The following PPFIA2 variants were observed in gnomAD, a reference collection of about 807,000 sequenced individuals.
PPFIA2 encodes the protein PPFI scaffold protein A2, also known as liprin-alpha-2.
PPFIA2 carries 46 observed loss-of-function variants against 175.5 expected under a neutral mutation model. That is an observed-to-expected ratio of 0.26 (90% confidence interval 0.21 to 0.34). PPFIA2 has a LOEUF of 0.34. Ranked by LOEUF, PPFIA2 falls within the 10% of genes least tolerant of loss-of-function variation. The pLI is 1.00. For synonymous variants in PPFIA2, 568 were observed against 511.4 expected, an observed-to-expected ratio of 1.11 and a Z score of -1.49; for missense variants, 1,179 against 1,506.1, an observed-to-expected ratio of 0.78 and a Z score of 3.60.
intron 4 of PPFIA2, among the ~76,000 whole-genome samples, chr12:81,642,748 T>TGTATATAA: frequency 1.2e-5 from 1 of 85,270 alleles, no homozygotes; most frequent in African/African-American, 4.0e-5. Context: ...TATGTATGTA[T>TGTATATAA]TATATACATA....
chr12:81,662,058 A>C (rs542383800), intron 4 of PPFIA2, among the ~76,000 whole-genome samples: 1 of 152,320 alleles, frequency 6.6e-6, no homozygotes, highest in East Asian at 1.9e-4. Flanking sequence ...CAATGTGTAG[A>C]GGGAAATTTA....
chr12:81,659,552 C>T (rs1340636962), intron 4 of PPFIA2, among the ~76,000 whole-genome samples: 3 of 152,138 alleles, frequency 2.0e-5, no homozygotes, highest in Admixed American at 1.3e-4. Flanking sequence ...AACAAAGCAG[C>T]GGGGAAGCTA....
intron 28 of PPFIA2, among the ~76,000 whole-genome samples, chr12:81,269,180 C>G (rs962291813): frequency 6.6e-6 from 1 of 151,418 alleles, no homozygotes; most frequent in Non-Finnish European, 1.5e-5. Flanking sequence ...TAAAAGTTGA[C>G]AGAATGCTAT....
chr12:81,577,342 G>C (rs2073727960), intron 4 of PPFIA2, among the ~76,000 whole-genome samples: 1 of 151,818 alleles, frequency 6.6e-6, no homozygotes, highest in Non-Finnish European at 1.5e-5. Context: ...CCTCCTGTAT[G>C]AAAGGTTCCT....
intron 4 of PPFIA2, among the ~76,000 whole-genome samples, chr12:81,461,075 A>G (rs1238961763): frequency 3.3e-5 from 5 of 152,092 alleles, no homozygotes; most frequent in East Asian, 1.9e-4. Context: ...TCAAATTTAA[A>G]CCAACTTTAA....
intron 4 of PPFIA2, among the ~76,000 whole-genome samples, chr12:81,598,762 T>C (rs1262078912): frequency 3.3e-5 from 5 of 151,818 alleles, no homozygotes; most frequent in Admixed American, 3.3e-4. Flanking sequence ...ATACTAGGAG[T>C]ACTATCAAAT....
chr12:81,312,293 G>A, intron 22 of PPFIA2: 1 of 919,034 alleles, frequency 1.1e-6, no homozygotes, highest in South Asian at 1.5e-5. Context: ...GAAAGCTCAG[G>A]TATGAGAAAG....
At chr12:81,323,466 T>G (rs1383962170) in intron 22 of PPFIA2, among the ~76,000 whole-genome samples, 1 of 152,030 alleles carries the variant, frequency 6.6e-6, no homozygotes, top group African/African-American at 2.4e-5. Context: ...TAAAATTTAC[T>G]TAAAATTATT....
intron 3 of PPFIA2, among the ~76,000 whole-genome samples, chr12:81,704,285 ATT>A: frequency 6.6e-6 from 1 of 152,290 alleles, no homozygotes; most frequent in East Asian, 1.9e-4. Context: ...ATCCAAAAAT[ATT>A]ATAGCTCAAT....
intron 4 of PPFIA2, among the ~76,000 whole-genome samples, chr12:81,655,305 G>A (rs1476639054): frequency 6.6e-6 from 1 of 151,248 alleles, no homozygotes; most frequent in Admixed American, 6.6e-5. Flanking sequence ...ATTAATTTCT[G>A]CTACTAACAC....
intron 9 of PPFIA2, among the ~76,000 whole-genome samples, chr12:81,383,386 T>G (rs2038193719): frequency 6.6e-6 from 1 of 152,166 alleles, no homozygotes; most frequent in African/African-American, 2.4e-5. Flanking sequence ...AACTTTCACC[T>G]TAGCAGGTAA....
chr12:81,473,559 A>T (rs1006535537), intron 4 of PPFIA2, among the ~76,000 whole-genome samples: 2 of 152,236 alleles, frequency 1.3e-5, no homozygotes, highest in Non-Finnish European at 2.9e-5. Context: ...CGCCTGAGAC[A>T]TGAAATTATC....
At position 81,312,767 on chromosome 12, in the gene PPFIA2, T is replaced by C. The variant is rs187511347; in HGVS notation, c.2642+13010A>G. Among the ~76,000 whole-genome samples, 112 of 152,308 alleles carry C rather than the reference T, an allele frequency of 7.4e-4. 1 individual carries two copies. The highest frequency in any genetic ancestry group is 2.1e-3 in the African/African-American group (89 of 41,588). On this transcript the variant is annotated intron_variant, in intron 22 of 32. Transcript: ENST00000549396. The stretch of plus-strand genomic sequence containing the variant: ...ATTTCCTCAACACAATCCCTGGCAA[T>C]AGAAATGTGTAAAGTCCATTCCAGA...
At chr12:81,462,608 A>ATATTATATATATATT (rs1566933988) in intron 4 of PPFIA2, among the ~76,000 whole-genome samples, 1 of 134,886 alleles carries the variant, frequency 7.4e-6, no homozygotes, top group East Asian at 2.1e-4. Context: ...ATATATATAT[A>ATATTATATATATATT]ATATAGCGAT....
At chr12:81,722,409 T>C (rs1011931342) in intron 3 of PPFIA2, among the ~76,000 whole-genome samples, 8 of 151,176 alleles carry the variant, frequency 5.3e-5, no homozygotes, top group African/African-American at 1.9e-4. Context: ...TAAATGTACT[T>C]ATTACTAGTA....
intron 4 of PPFIA2, among the ~76,000 whole-genome samples, chr12:81,660,729 C>A (rs1016408936): frequency 2.6e-5 from 4 of 152,090 alleles, no homozygotes; most frequent in African/African-American, 9.7e-5. Context: ...AAGAGCAACT[C>A]CAAGACACAT....
chr12:81,564,496 T>C (rs1179954736), intron 4 of PPFIA2, among the ~76,000 whole-genome samples: 1 of 152,186 alleles, frequency 6.6e-6, no homozygotes, highest in Non-Finnish European at 1.5e-5. Context: ...AGTTCTTTTG[T>C]TGGTTTTGAG....
chr12:81,743,413 A>G (rs1249650326), intron 3 of PPFIA2, among the ~76,000 whole-genome samples: 1 of 80,824 alleles, frequency 1.2e-5, no homozygotes, highest in Non-Finnish European at 2.5e-5. Flanking sequence ...CTCCGTCTCA[A>G]AAAAAAAAAA....
chr12:81,649,259 C>G (rs2066643904), intron 4 of PPFIA2, among the ~76,000 whole-genome samples: 1 of 152,058 alleles, frequency 6.6e-6, no homozygotes, highest in South Asian at 2.1e-4. Flanking sequence ...ACCTCCATAA[C>G]AAGAAGATTA....
Sources: gnomAD v4.1 joint callset for allele counts (sites outside exome capture counted in the v4.1 genomes callset) on GRCh38, gnomAD v4.1.1 for gene constraint, MANE v1.5 for transcripts, NCBI Gene and HGNC (gene_info 2026-07-23, HGNC 2026-07-21) for gene names.